The following PDE1C variants were observed in gnomAD, a reference collection of about 807,000 sequenced individuals.
PDE1C encodes dual specificity calcium/calmodulin-dependent 3',5'-cyclic nucleotide phosphodiesterase 1C.
A neutral mutation model predicts 93.1 loss-of-function variants in PDE1C; 62 were observed. That is an observed-to-expected ratio of 0.67 (90% CI 0.54 to 0.82). The LOEUF (loss-of-function observed/expected upper bound fraction) is 0.82. PDE1C is among the 40% of genes least tolerant of loss of function. The pLI, the probability that PDE1C is intolerant of heterozygous loss-of-function variation, is 0.00. For synonymous variants in PDE1C, 325 were observed against 310.1 expected (o/e 1.05, Z -0.50); for missense variants, 742 against 884.6 (o/e 0.84, Z 2.04).
intron 11 of PDE1C, 58 bp from the exon 12 acceptor site, chr7:31,828,431 T>C: frequency 7.3e-7 from 1 of 1,367,012 alleles, no homozygotes; most frequent in Non-Finnish European, 1.0e-6. Flanking sequence ...CACCCAGATT[T>C]CATTTAGCAA....
intron 1 of PDE1C, among the ~76,000 whole-genome samples, chr7:32,278,812 G>T (rs1811450336): frequency 6.6e-6 from 1 of 152,150 alleles, no homozygotes; most frequent in African/African-American, 2.4e-5. Flanking sequence ...TCTTGAATTT[G>T]TTGTCCAGAA....
intron 1 of PDE1C, among the ~76,000 whole-genome samples, chr7:32,389,312 G>A (rs1784709529): frequency 6.6e-6 from 1 of 152,062 alleles, no homozygotes; most frequent in Non-Finnish European, 1.5e-5. Flanking sequence ...TACCTCCCAG[G>A]TTCAAGTGAT....
intron 1 of PDE1C, among the ~76,000 whole-genome samples, chr7:32,068,816 G>A (rs1795698182): frequency 1.3e-5 from 2 of 152,220 alleles, no homozygotes; most frequent in Admixed American, 6.5e-5. Context: ...AGTCAGCATG[G>A]CAAGGAATCC....
chr7:32,341,327 T>C (rs896524366), intron 1 of PDE1C, among the ~76,000 whole-genome samples: 110 of 149,362 alleles, frequency 7.4e-4, no homozygotes, highest in African/African-American at 2.2e-3. Flanking sequence ...AGGCGCCCGC[T>C]ACCACGCCCG....
chr7:32,302,039 A>C (rs896582679), upstream of PDE1C, among the ~76,000 whole-genome samples: 10 of 152,264 alleles, frequency 6.6e-5, no homozygotes, highest in Non-Finnish European at 1.3e-4. Flanking sequence ...ATTTATTTCC[A>C]TATTCTTTCT....
At chr7:31,718,668 CTG>C in the PDE1C span, among the ~76,000 whole-genome samples, 1 of 152,172 alleles carries the variant, frequency 6.6e-6, no homozygotes, top group African/African-American at 2.4e-5. Context: ...CAGGCAAACA[CTG>C]TGAAATGAAG....
At chr7:32,048,334 T>C (rs777402510) in intron 2 of PDE1C, among the ~76,000 whole-genome samples, 5 of 152,128 alleles carry the variant, frequency 3.3e-5, no homozygotes, top group Non-Finnish European at 1.5e-5. Flanking sequence ...GATGCTGTGC[T>C]CACTTCTGGA....
chr7:31,867,620 A>G (rs1206686269), intron 6 of PDE1C, among the ~76,000 whole-genome samples: 1 of 152,114 alleles, frequency 6.6e-6, no homozygotes, highest in East Asian at 1.9e-4. Flanking sequence ...CACCACTGCT[A>G]CTTCCAATGC....
chr7:31,718,489 G>A, the PDE1C span, among the ~76,000 whole-genome samples: 1 of 152,174 alleles, frequency 6.6e-6, no homozygotes, highest in Non-Finnish European at 1.5e-5. Flanking sequence ...AACTAGGAAG[G>A]CTCCCATCAC....
the PDE1C span, among the ~76,000 whole-genome samples, chr7:31,620,947 C>A: frequency 6.6e-6 from 1 of 151,790 alleles, no homozygotes. Flanking sequence ...GGCTCAAGAA[C>A]TATGTGAAGA....
At chr7:31,784,130 C>T (rs2128643502) in intron 16 of PDE1C, 1 of 152,248 alleles carries the variant, frequency 6.6e-6, no homozygotes, top group East Asian at 1.9e-4. Flanking sequence ...AGCTGAACAG[C>T]AGCAACATCT....
chr7:32,070,571 G>A (rs1795926221), upstream of PDE1C: 4 of 1,436,574 alleles, frequency 2.8e-6, no homozygotes, highest in East Asian at 2.5e-5. Context: ...TCCGATCGCG[G>A]CAAACCATGG....
the PDE1C span, among the ~76,000 whole-genome samples, chr7:31,719,995 T>A: frequency 1.3e-5 from 2 of 150,314 alleles, no homozygotes; most frequent in African/African-American, 5.0e-5. Context: ...ACCCCGTCTC[T>A]ACTAAAAAAT....
the PDE1C span, among the ~76,000 whole-genome samples, chr7:31,671,424 C>A: frequency 6.6e-6 from 1 of 152,182 alleles, no homozygotes; most frequent in African/African-American, 2.4e-5. Flanking sequence ...TTCCCACCTG[C>A]AAAGGGGTCA....
chr7:32,248,148 C>A (rs12701203), intron 1 of PDE1C, among the ~76,000 whole-genome samples: 15,981 of 152,048 alleles, frequency 0.11, 895 homozygotes, highest in East Asian at 0.13. Context: ...AATATTATAC[C>A]TGTTGGGTTT....
intron 3 of PDE1C, among the ~76,000 whole-genome samples, chr7:32,131,801 CA>C (rs1165141350): frequency 6.6e-6 from 1 of 152,028 alleles, no homozygotes; most frequent in Admixed American, 6.6e-5. Flanking sequence ...TTACCAAAAC[CA>C]AGCATTGTTT....
intron 3 of PDE1C, chr7:32,077,927 T>G: frequency 1.0e-6 from 1 of 985,432 alleles, no homozygotes; most frequent in Non-Finnish European, 1.2e-6. Context: ...TCCCTCCGGC[T>G]GGTCTGCTCT....
the PDE1C span, among the ~76,000 whole-genome samples, chr7:31,627,794 A>G: frequency 6.6e-6 from 1 of 152,248 alleles, no homozygotes; most frequent in South Asian, 2.1e-4. Flanking sequence ...GTCCCTAAAA[A>G]CAAAAACTTC....
the PDE1C span, among the ~76,000 whole-genome samples, chr7:31,712,527 T>A: frequency 3.3e-5 from 5 of 152,086 alleles, no homozygotes; most frequent in Non-Finnish European, 7.4e-5. Flanking sequence ...TAAAAACAGT[T>A]CCCTGTCCAT....
Sources: allele counts gnomAD v4.1 joint callset (sites outside exome capture counted in the v4.1 genomes callset), GRCh38; gene constraint gnomAD v4.1.1; transcripts MANE v1.5; gene names NCBI Gene and HGNC (gene_info 2026-07-23, HGNC 2026-07-21).